UBE2K: variants seen among roughly 807,000 people sequenced by gnomAD.
UBE2K encodes the protein ubiquitin-conjugating enzyme E2 K.
Under a neutral mutation model 30.0 loss-of-function variants are expected in UBE2K, and 6 were observed. The ratio of observed to expected loss-of-function variants is 0.20; its 90% CI spans 0.11 to 0.39. The LOEUF (loss-of-function observed/expected upper bound fraction) is 0.39, where lower values mean the gene tolerates loss of function less well. Among genes scored for constraint, UBE2K ranks in the 10% least tolerant of loss-of-function variants. The pLI is 1.00. For synonymous variants in UBE2K, 86 were observed against 83.7 expected, an observed-to-expected ratio of 1.03 and a Z score of -0.15; for missense variants, 61 against 241.6, an observed-to-expected ratio of 0.25 and a Z score of 4.96.
intron 1 of UBE2K, among the ~76,000 whole-genome samples, chr4:39,725,580 A>G (rs762809691): frequency 6.6e-6 from 1 of 152,088 alleles, no homozygotes; most frequent in Non-Finnish European, 1.5e-5. Context: ...ATAAAACTCC[A>G]GTTGGTTAAC....
chr4:39,728,834 T>G (rs1197195955), intron 1 of UBE2K, among the ~76,000 whole-genome samples: 4 of 149,078 alleles, frequency 2.7e-5, no homozygotes, highest in African/African-American at 4.9e-5. Flanking sequence ...TTTGTTTTTT[T>G]TTTTTTGTAT....
At chr4:39,749,483 G>T (rs1322606534) in intron 3 of UBE2K, among the ~76,000 whole-genome samples, 1 of 151,410 alleles carries the variant, frequency 6.6e-6, no homozygotes, top group African/African-American at 2.4e-5. Context: ...GCAAAAACCT[G>T]TCTCTACTAA....
At chr4:39,714,534 A>T (rs1334959909) in intron 1 of UBE2K, 2 of 26,808 alleles carry the variant, frequency 7.5e-5, no homozygotes, top group Non-Finnish European at 1.1e-4. Flanking sequence ...ATATATATAT[A>T]TATATATATA....
chr4:39,739,135 C>T (rs1211803420), intron 2 of UBE2K, among the ~76,000 whole-genome samples: 1 of 151,896 alleles, frequency 6.6e-6, no homozygotes, highest in Non-Finnish European at 1.5e-5. Context: ...TCACGCCATT[C>T]TCCTGCCTCA....
At chr4:39,746,108 G>T (rs954186817) in intron 3 of UBE2K, among the ~76,000 whole-genome samples, 4 of 151,972 alleles carry the variant, frequency 2.6e-5, no homozygotes, top group Admixed American at 2.6e-4. Flanking sequence ...AATTTAGAGA[G>T]CCCTTTTACA....
chr4:39,713,045 A>G (rs941841989), intron 1 of UBE2K, among the ~76,000 whole-genome samples: 2 of 151,378 alleles, frequency 1.3e-5, no homozygotes, highest in East Asian at 2.0e-4. Context: ...TCGTATTTTT[A>G]GTAGAGACGG....
At chr4:39,737,536 A>G (rs752571092) in intron 2 of UBE2K, 23 bp downstream of exon 2, 4 of 1,433,926 alleles carry the variant, frequency 2.8e-6, no homozygotes, top group East Asian at 2.4e-5. Flanking sequence ...TTCTGTATCA[A>G]AATATTGTGC....
intron 1 of UBE2K, chr4:39,714,542 A>ATTTTTT (rs1275060030): frequency 4.0e-4 from 8 of 20,196 alleles, no homozygotes; most frequent in East Asian, 2.9e-3. Flanking sequence ...ATATATATAT[A>ATTTTTT]TATATATATT....
chr4:39,745,709 G>C (rs1279881274), intron 2 of UBE2K, 43 bp from the exon 3 acceptor site: 6 of 1,332,376 alleles, frequency 4.5e-6, no homozygotes, highest in Admixed American at 1.9e-5. Context: ...TTATATATTT[G>C]AATTGAGCAG....
intron 1 of UBE2K, among the ~76,000 whole-genome samples, chr4:39,718,472 G>A (rs923060703): frequency 1.3e-5 from 2 of 152,216 alleles, no homozygotes; most frequent in Non-Finnish European, 2.9e-5. Context: ...TCGCACCGGG[G>A]CCACAGGTGG....
chr4:39,725,386 A>C (rs1339970914), intron 1 of UBE2K, among the ~76,000 whole-genome samples: 1 of 148,364 alleles, frequency 6.7e-6, no homozygotes, highest in Non-Finnish European at 1.5e-5. Context: ...TCAAAAAAAA[A>C]AAAAAAAAAA....
chr4:39,759,658 A>G (rs867022179), intron 4 of UBE2K, among the ~76,000 whole-genome samples: 7 of 152,190 alleles, frequency 4.6e-5, no homozygotes, highest in South Asian at 4.1e-4. Flanking sequence ...GACACTTACT[A>G]TGACTAATGG....
At chr4:39,707,356 G>C (rs1376576079) in intron 1 of UBE2K, among the ~76,000 whole-genome samples, 2 of 151,762 alleles carry the variant, frequency 1.3e-5, no homozygotes, top group Non-Finnish European at 2.9e-5. Flanking sequence ...ACAGGCGCAT[G>C]CCACCATACC....
intron 2 of UBE2K, among the ~76,000 whole-genome samples, chr4:39,739,513 C>T (rs1720562860): frequency 7.6e-6 from 1 of 132,324 alleles, no homozygotes; most frequent in African/African-American, 3.0e-5. Context: ...GTGGTACGAT[C>T]TTGGCTCACT....
At chr4:39,762,936 CTTTTTTTTT>C (rs869207095) in intron 4 of UBE2K, among the ~76,000 whole-genome samples, 8 of 78,652 alleles carry the variant, frequency 1.0e-4, no homozygotes, top group East Asian at 5.4e-4. Context: ...CCAAAAAACA[CTTTTTTTTT>C]TTTTTTTTTT....
At chr4:39,731,838 A>G (rs1720090787) in intron 1 of UBE2K, among the ~76,000 whole-genome samples, 1 of 152,184 alleles carries the variant, frequency 6.6e-6, no homozygotes, top group Non-Finnish European at 1.5e-5. Flanking sequence ...ACTTTTACAT[A>G]TGCATGACAA....
At chr4:39,726,658 C>T (rs186515757) in intron 1 of UBE2K, among the ~76,000 whole-genome samples, 3 of 152,120 alleles carry the variant, frequency 2.0e-5, no homozygotes, top group Admixed American at 6.6e-5. Flanking sequence ...TGCAATGGTG[C>T]GATCTCGGCT....
rs994363186 is a variant in UBE2K at position 39,780,832 on chromosome 4, C to T, written c.*2398C>T. 5 of 151,962 alleles carry T rather than the reference C, an allele frequency of 3.3e-5. No homozygotes were observed. The highest frequency in any genetic ancestry group is 1.2e-4 in the African/African-American group (5 of 41,392). 9.4% of individuals were successfully genotyped at this position (151,962 alleles called of 1,614,324 possible). On this transcript the variant is annotated 3_prime_UTR_variant, in exon 7 of 7. Transcript: ENST00000261427. ...TTAAATATGTTTGGACAAAAAGACA[C>T]TAAAAGGTCAGGCCTAGGGGAAAAG... is the stretch of plus-strand genomic sequence containing the variant.
chr4:39,699,066 C>T (rs553149502), intron 1 of UBE2K, among the ~76,000 whole-genome samples: 1 of 152,118 alleles, frequency 6.6e-6, no homozygotes, highest in African/African-American at 2.4e-5. Flanking sequence ...CACTTAACCC[C>T]CAAATTCCTA....
Sources: gnomAD v4.1 joint callset for allele counts (sites outside exome capture counted in the v4.1 genomes callset) on GRCh38, gnomAD v4.1.1 for gene constraint, MANE v1.5 for transcripts, NCBI Gene and HGNC (gene_info 2026-07-23, HGNC 2026-07-21) for gene names.